CSMD3: variants seen among roughly 807,000 people sequenced by gnomAD.
The protein encoded by CSMD3 is CUB and sushi domain-containing protein 3.
In CSMD3, 177 loss-of-function variants were observed where a neutral mutation model predicts 435.2. The ratio of observed to expected loss-of-function variants is 0.41; its 90% CI spans 0.36 to 0.46. The LOEUF is 0.46. CSMD3 is among the 20% of genes least tolerant of loss of function. The probability of loss-of-function intolerance (pLI) is 0.34; values close to 1 mark genes in which losing one functional copy is unlikely to be tolerated. For missense variants in CSMD3, 4,265 were observed against 4,504.6 expected, an observed-to-expected ratio of 0.95 and a Z score of 1.52; for synonymous variants, 1,656 against 1,520.5, an observed-to-expected ratio of 1.09 and a Z score of -2.07.
intron 3 of CSMD3, among the ~76,000 whole-genome samples, chr8:113,263,936 G>A (rs10089603): frequency 0.37 from 55,817 of 151,270 alleles, 11,125 homozygotes; most frequent in African/African-American, 0.52. Context: ...ATAGTATAAT[G>A]TATAGCCACC....
At chr8:113,324,764 T>G (rs2132725710) in intron 1 of CSMD3, among the ~76,000 whole-genome samples, 1 of 152,254 alleles carries the variant, frequency 6.6e-6, no homozygotes, top group Non-Finnish European at 1.5e-5. Context: ...AAGATTGCAC[T>G]GTTCCCCTGG....
chr8:112,360,925 G>T (rs1476710036), intron 38 of CSMD3, among the ~76,000 whole-genome samples: 1 of 151,908 alleles, frequency 6.6e-6, no homozygotes, highest in African/African-American at 2.4e-5. Context: ...ATACATGAAA[G>T]TCCTACAGTT....
At chr8:112,657,173 G>C (rs2075277898) in intron 17 of CSMD3, among the ~76,000 whole-genome samples, 1 of 145,630 alleles carries the variant, frequency 6.9e-6, no homozygotes, top group African/African-American at 2.6e-5. Context: ...AGCAATTCTT[G>C]TGCCTCAGCC....
intron 32 of CSMD3, among the ~76,000 whole-genome samples, chr8:112,409,297 A>G (rs1457814501): frequency 6.6e-6 from 1 of 152,072 alleles, no homozygotes; most frequent in African/African-American, 2.4e-5. Context: ...ATAGCATTTA[A>G]TTTGGATCAG....
chr8:112,976,150 T>C lies in CSMD3; in HGVS notation c.1031-2A>G, dbSNP rs764170971. ...TAGTGTGGGTCAATGTAGAAGAACC[T>C]GTGGGACACAGTAGCACTAGATGCT... On this transcript the variant is annotated splice_acceptor_variant, in intron 6 of 70. Transcript: ENST00000297405. LOFTEE classifies it high-confidence loss of function. The C allele has an allele frequency of 1.9e-6, 3 of 1,613,922 alleles. No homozygotes were observed. The highest frequency in any genetic ancestry group is 2.5e-6 in the Non-Finnish European group (3 of 1,179,846).
intron 3 of CSMD3, among the ~76,000 whole-genome samples, chr8:113,198,644 TTTTTTTGGA>T (rs1372734810): frequency 6.6e-6 from 1 of 151,326 alleles, no homozygotes; most frequent in Non-Finnish European, 1.5e-5. Flanking sequence ...GTATTAAAAT[TTTTTTTGGA>T]CAGACTAAAT....
At position 112,638,679 on chromosome 8, in the gene CSMD3, G is replaced by GT. The variant is rs2131588222; in HGVS notation, c.3526+16dup. The GT allele has an allele frequency of 2.0e-6, 3 of 1,473,870 alleles. No individual in the cohort carries two copies. The highest frequency in any genetic ancestry group is 1.1e-5 in the South Asian group (1 of 88,070). 91.3% of individuals were successfully genotyped at this position (1,473,870 alleles called of 1,614,324 possible). On this transcript the variant is annotated intron_variant, in intron 21 of 70. Coordinates refer to ENST00000297405, the MANE Select transcript of CSMD3 (RefSeq NM_198123.2). ...TAAAAGTTACTGAATGAGCCCTTTT[G>GT]TTTTTTATTTTCTCACCAGAGAATG...
chr8:113,118,876 C>T (rs773254980), intron 4 of CSMD3, among the ~76,000 whole-genome samples: 9 of 152,062 alleles, frequency 5.9e-5, no homozygotes, highest in Non-Finnish European at 1.3e-4. Flanking sequence ...CACTCTCAGT[C>T]GCATAGATTT....
At chr8:112,526,189 A>C (rs950275974) in intron 27 of CSMD3, among the ~76,000 whole-genome samples, 16 of 151,852 alleles carry the variant, frequency 1.1e-4, no homozygotes, top group Non-Finnish European at 1.8e-4. Context: ...TAAGATATTC[A>C]GTGGATTTTA....
At chr8:112,367,427 C>G (rs1243214895) in intron 38 of CSMD3, among the ~76,000 whole-genome samples, 2 of 152,120 alleles carry the variant, frequency 1.3e-5, no homozygotes, top group Non-Finnish European at 2.9e-5. Flanking sequence ...GAAAGGCCAG[C>G]TCTCCAATTA....
intron 38 of CSMD3, among the ~76,000 whole-genome samples, chr8:112,354,354 A>G (rs1407923942): frequency 6.6e-6 from 1 of 152,328 alleles, no homozygotes; most frequent in South Asian, 2.1e-4. Flanking sequence ...CAGAGCAATC[A>G]GGCAATAGAA....
At chr8:113,415,478 G>T (rs1053697918) in intron 1 of CSMD3, among the ~76,000 whole-genome samples, 1 of 152,062 alleles carries the variant, frequency 6.6e-6, no homozygotes, top group Non-Finnish European at 1.5e-5. Flanking sequence ...TCCCTAAAAG[G>T]TAAAATCTTC....
At chr8:112,757,294 G>C (rs1200281603) in intron 13 of CSMD3, among the ~76,000 whole-genome samples, 1 of 151,898 alleles carries the variant, frequency 6.6e-6, no homozygotes, top group East Asian at 1.9e-4. Flanking sequence ...ATAATGCTTG[G>C]TTTAAGGAAG....
intron 30 of CSMD3, among the ~76,000 whole-genome samples, chr8:112,495,886 TA>T (rs1199289967): frequency 6.6e-6 from 1 of 151,632 alleles, no homozygotes; most frequent in African/African-American, 2.4e-5. Context: ...AGTTTTCTTT[TA>T]AAATTATTTC....
At chr8:112,587,285 A>G in intron 22 of CSMD3, 50 bp from the exon 23 acceptor site, 1 of 1,325,424 alleles carries the variant, frequency 7.5e-7, no homozygotes, top group South Asian at 1.2e-5. Context: ...TAGCAGTATC[A>G]TTTTCAAGCA....
At chr8:113,200,508 T>A (rs1359753240) in intron 3 of CSMD3, among the ~76,000 whole-genome samples, 2 of 151,806 alleles carry the variant, frequency 1.3e-5, no homozygotes, top group East Asian at 3.9e-4. Flanking sequence ...AATGTCTAGG[T>A]GTCCTGGCTT....
At chr8:112,747,703 C>G (rs931011320) in intron 13 of CSMD3, among the ~76,000 whole-genome samples, 1 of 152,092 alleles carries the variant, frequency 6.6e-6, no homozygotes, top group African/African-American at 2.4e-5. Context: ...CGGCCGGGCG[C>G]GGTGGCTCAC....
intron 20 of CSMD3, among the ~76,000 whole-genome samples, chr8:112,644,382 C>T (rs560935803): frequency 1.8e-4 from 28 of 152,032 alleles, no homozygotes; most frequent in South Asian, 8.3e-4. Context: ...ATTAATCATG[C>T]AAAATTGTTT....
intron 11 of CSMD3, among the ~76,000 whole-genome samples, chr8:112,842,855 C>T (rs1462354460): frequency 1.3e-5 from 2 of 151,554 alleles, no homozygotes; most frequent in Non-Finnish European, 2.9e-5. Context: ...ATATAAAATA[C>T]TCAAAGTCAA....
Sources: allele counts gnomAD v4.1 joint callset (sites outside exome capture counted in the v4.1 genomes callset), GRCh38; gene constraint gnomAD v4.1.1; transcripts MANE v1.5; gene names NCBI Gene and HGNC (gene_info 2026-07-23, HGNC 2026-07-21).